The following KIAA1671 variants were observed in gnomAD, a reference collection of about 807,000 sequenced individuals.
The protein encoded by KIAA1671 is KIAA1671.
In KIAA1671, 52 loss-of-function variants were observed where a neutral mutation model predicts 131.2. That is an observed-to-expected ratio of 0.40 (90% CI 0.32 to 0.50). The LOEUF (loss-of-function observed/expected upper bound fraction) is 0.50, where lower values mean the gene tolerates loss of function less well. Among genes scored for constraint, KIAA1671 ranks in the 20% least tolerant of loss-of-function variants. The probability of loss-of-function intolerance (pLI) is 0.73; values close to 1 mark genes in which losing one functional copy is unlikely to be tolerated. For synonymous variants in KIAA1671, 1,003 were observed against 961.6 expected, an observed-to-expected ratio of 1.04 and a Z score of -0.80; for missense variants, 2,360 against 2,364.2, an observed-to-expected ratio of 1.00 and a Z score of 0.04.
chr22:25,062,818 A>ACCCCCCCCCCCCCCCCCCC (rs1568935208), intron 6 of KIAA1671: 1 of 19,360 alleles, frequency 5.2e-5, no homozygotes, highest in Non-Finnish European at 1.1e-4. Context: ...ACCGGCACCC[A>ACCCCCCCCCCCCCCCCCCC]CCCCCGCCCC....
chr22:25,032,836 T>C, intron 4 of KIAA1671, 140 bp downstream of exon 4: 1 of 500,142 alleles, frequency 2.0e-6, no homozygotes, highest in Non-Finnish European at 3.6e-6. Flanking sequence ...TTTCTTCTAA[T>C]GTTGGGACTT....
intron 10 of KIAA1671, among the ~76,000 whole-genome samples, chr22:25,183,536 C>CT (rs1041350191): frequency 5.9e-5 from 8 of 135,630 alleles, no homozygotes; most frequent in East Asian, 4.7e-4. Context: ...CTTCCTTCTT[C>CT]TTTTTTTGTT....
chr22:25,120,263 T>C (rs1038587350), intron 6 of KIAA1671, among the ~76,000 whole-genome samples: 1 of 152,240 alleles, frequency 6.6e-6, no homozygotes, highest in East Asian at 1.9e-4. Context: ...GGGGTTAGAC[T>C]TAAAGCCAGC....
chr22:25,011,634 C>CTTTTTTTTTTTT (rs35127110), intron 1 of KIAA1671: 1 of 87,760 alleles, frequency 1.1e-5, no homozygotes, highest in Non-Finnish European at 2.5e-5. Flanking sequence ...CTTTTCTTTT[C>CTTTTTTTTTTTT]TTTTTTTTTT....
chr22:25,012,122 T>G (rs1294209780), intron 1 of KIAA1671: 1 of 152,212 alleles, frequency 6.6e-6, no homozygotes, highest in Non-Finnish European at 1.5e-5. Context: ...AGAGCTTGCA[T>G]CTGCACTGTT....
chr22:24,993,608 T>C (rs1038209977), intron 1 of KIAA1671, among the ~76,000 whole-genome samples: 2 of 152,224 alleles, frequency 1.3e-5, no homozygotes, highest in African/African-American at 2.4e-5. Flanking sequence ...CTACTGTCTT[T>C]GTCTTGGTGC....
intron 8 of KIAA1671, 78 bp from the exon 9 acceptor site, chr22:25,177,270 T>C (rs948423554): frequency 2.5e-5 from 34 of 1,362,996 alleles, no homozygotes; most frequent in Admixed American, 7.5e-5. Flanking sequence ...CGAAGCTGTG[T>C]ACCGCCAACT....
chr22:24,962,666 G>A (rs184893707), intron 1 of KIAA1671, among the ~76,000 whole-genome samples: 6 of 152,318 alleles, frequency 3.9e-5, no homozygotes, highest in African/African-American at 1.4e-4. Context: ...ATTTACATGA[G>A]CCTTAGCTAG....
At chr22:24,954,850 G>T (rs1457833943) in intron 1 of KIAA1671, among the ~76,000 whole-genome samples, 1 of 152,108 alleles carries the variant, frequency 6.6e-6, no homozygotes, top group Non-Finnish European at 1.5e-5. Context: ...GCGCGATCTC[G>T]GCTCACTGCG....
chr22:25,097,868 G>A (rs1401983132), intron 6 of KIAA1671, among the ~76,000 whole-genome samples: 1 of 152,128 alleles, frequency 6.6e-6, no homozygotes, highest in Non-Finnish European at 1.5e-5. Flanking sequence ...TCCAAGTCCT[G>A]GATGCATAGA....
chr22:25,086,416 T>C (rs1929722468), intron 6 of KIAA1671, among the ~76,000 whole-genome samples: 1 of 152,178 alleles, frequency 6.6e-6, no homozygotes, highest in Non-Finnish European at 1.5e-5. Context: ...TAAATAAATA[T>C]GTGTTGAGCT....
At chr22:25,188,366 TAAAC>T (rs1934547214) in intron 11 of KIAA1671, among the ~76,000 whole-genome samples, 1 of 151,976 alleles carries the variant, frequency 6.6e-6, no homozygotes, top group Non-Finnish European at 1.5e-5. Flanking sequence ...TGACCTTTGA[TAAAC>T]AAAAGGCAGC....
At chr22:25,174,150 GCTAT>G (rs1933941967) in intron 7 of KIAA1671, 86 bp from the exon 8 acceptor site, 2 of 1,389,030 alleles carry the variant, frequency 1.4e-6, no homozygotes, top group African/African-American at 2.9e-5. Flanking sequence ...CATAACCCAA[GCTAT>G]GCTGCCTGCA....
In KIAA1671 at chr22:25,040,878, C is replaced by G; in HGVS notation, c.3748C>G (p.Leu1250Val). Residue 1250 changes from leucine to valine, a missense_variant, in exon 5 of 13, where the codon CTG (leucine) becomes GTG (valine). By Grantham distance (32) the Leu-to-Val change is conservative. Around this residue, in one of 3 missense-constraint regions of KIAA1671, gnomAD observed 1,161 missense variants for 1,204.7 expected, o/e 0.96. Transcript: ENST00000358431. The stretch of plus-strand genomic sequence containing the variant: ...CGGGGTGGAGCAGAGAAGGAGGAGC[C>G]TGAAGGAGATGCCCGATACCGGGGG... ...LGGVEQRRRS[L>V]KEMPDTGGLW... is the part of the protein sequence containing the mutation. 6.5e-7 allele frequency: 1 copy of G among 1,534,764 alleles called. No individual in the cohort carries two copies. The highest frequency in any genetic ancestry group is 8.8e-7 in the Non-Finnish European group (1 of 1,138,504).
At chr22:24,992,965 G>A (rs1602052373) in intron 1 of KIAA1671, among the ~76,000 whole-genome samples, 1 of 152,088 alleles carries the variant, frequency 6.6e-6, no homozygotes, top group Non-Finnish European at 1.5e-5. Flanking sequence ...ACTTACCCAT[G>A]CTCATAGAGG....
intron 1 of KIAA1671, among the ~76,000 whole-genome samples, chr22:24,961,626 G>C (rs1036812393): frequency 3.3e-5 from 5 of 152,226 alleles, no homozygotes; most frequent in Admixed American, 2.6e-4. Flanking sequence ...GTGTTCTTCT[G>C]TGGTGGACAA....
chr22:24,982,650 C>T (rs949313213), intron 1 of KIAA1671, among the ~76,000 whole-genome samples: 6 of 152,126 alleles, frequency 3.9e-5, no homozygotes, highest in Non-Finnish European at 7.4e-5. Context: ...CTAGGGCATC[C>T]CTTGCCCCAC....
intron 5 of KIAA1671, among the ~76,000 whole-genome samples, chr22:25,044,851 C>T (rs1341706386): frequency 3.3e-5 from 5 of 152,110 alleles, no homozygotes; most frequent in Admixed American, 6.5e-5. Flanking sequence ...GCAACAGTAG[C>T]GAATGCTTGC....
At chr22:24,956,858 C>G (rs188731836) in intron 1 of KIAA1671, among the ~76,000 whole-genome samples, 1 of 128,440 alleles carries the variant, frequency 7.8e-6, no homozygotes, top group Non-Finnish European at 1.6e-5. Flanking sequence ...GGCGAGAGAG[C>G]GAGACTCTGT....
Sources: gnomAD v4.1 joint callset for allele counts (sites outside exome capture counted in the v4.1 genomes callset) on GRCh38, gnomAD v4.1.1 for gene constraint, gnomAD v4.1.1 regional missense constraint, MANE v1.5 for transcripts, NCBI Gene and HGNC (gene_info 2026-07-23, HGNC 2026-07-21) for gene names.